The following PROM2 variants were observed in gnomAD, a reference collection of about 807,000 sequenced individuals.
PROM2 encodes the protein prominin 2.
In PROM2, 90 loss-of-function variants were observed where a neutral mutation model predicts 110.2. The ratio of observed to expected loss-of-function variants is 0.82; its 90% confidence interval spans 0.69 to 0.97. The LOEUF (loss-of-function observed/expected upper bound fraction) is 0.97, where lower values mean the gene tolerates loss of function less well. Among genes scored for constraint, PROM2 ranks in the 50% least tolerant of loss-of-function variants. The pLI, the probability that PROM2 is intolerant of heterozygous loss-of-function variation, is 0.00. For missense variants in PROM2, 1,009 were observed against 1,074.8 expected (o/e 0.94, Z 0.86); for synonymous variants, 470 against 467.8 (o/e 1.00, Z -0.06).
At position 95,276,880 on chromosome 2, in the gene PROM2, GA is replaced by G; in HGVS notation, c.683-91del. 5 of 1,387,272 alleles carry G rather than the reference GA, an allele frequency of 3.6e-6. No homozygotes were observed. The highest frequency in any genetic ancestry group is 5.0e-6 in the Non-Finnish European group (5 of 1,002,742). The allele number at this position is 1,387,272 out of a possible 1,614,324, so 85.9% of individuals were successfully genotyped here. On this transcript the variant is annotated intron_variant, in intron 5 of 23. Coordinates refer to ENST00000317620, the MANE Select transcript of PROM2 (RefSeq NM_001165978.3). The surrounding 1 kb of genome is among the most constrained non-coding windows in gnomAD (Gnocchi z 4.6). The stretch of plus-strand genomic sequence containing the variant: ...TCCCCTCCACCCCCCGGCTCCTGCA[GA>G]GCCCGGTGGGGCCTGGGGAGGCAGG...
chr2:95,280,755 A>G (rs1188996966), intron 11 of PROM2, among the ~76,000 whole-genome samples: 1 of 151,940 alleles, frequency 6.6e-6, no homozygotes, highest in Non-Finnish European at 1.5e-5. Context: ...AGCGATTCTC[A>G]CACCTCAGCC....
chr2:95,290,525 G>A lies in PROM2; in HGVS notation c.*1312G>A, dbSNP rs932940528. 1 of 152,218 alleles carries A rather than the reference G, an allele frequency of 6.6e-6. No individual in the cohort carries two copies. The highest frequency in any genetic ancestry group is 1.5e-5 in the Non-Finnish European group (1 of 68,028). 9.4% of individuals were successfully genotyped at this position (152,218 alleles called of 1,614,324 possible). ...GCAGGCAGACCTGGACTCACAGCCT[G>A]GCTGTGATGCTTGTTCGCTCAGCTT... On this transcript the variant is annotated 3_prime_UTR_variant, in exon 24 of 24. Coordinates refer to ENST00000317620, the MANE Select transcript of PROM2 (RefSeq NM_001165978.3).
rs760626164 is a variant in PROM2 at position 95,279,025 on chromosome 2, G to A, written c.1155G>A (p.Arg385=). Residue 385 remains arginine (R), a synonymous_variant, in exon 10 of 24, where the codon AGG becomes AGA. Transcript: ENST00000317620. ...KAVAQQPEGV[R]TLAEGFPGLE... is the part of the protein sequence containing the mutation. ...TGGCCCAGCAGCCGGAAGGGGTGAG[G>A]ACACTGGCTGAAGGGTTCCCGGGCT... The A allele has an allele frequency of 5.6e-6, 9 of 1,612,274 alleles. No individual in the cohort carries two copies. Among genetic ancestry groups the A allele is most frequent in the African/African-American group, 2.7e-5 (2 of 74,924 alleles).
At chr2:95,288,129 A>C (rs1233310243) in intron 20 of PROM2, 82 bp from the exon 21 acceptor site, 4 of 1,415,202 alleles carry the variant, frequency 2.8e-6, no homozygotes, top group Non-Finnish European at 3.9e-6. Context: ...GTCCCTGTCA[A>C]CCACTCTCCC....
rs374303097 is a variant in PROM2, at chr2:95,286,884, G to T, written c.2094+27G>T. 95 of 1,611,214 alleles carry T rather than the reference G, an allele frequency of 5.9e-5. No individual in the cohort carries two copies. The African/African-American group carries it at 1.2e-3, about 20-fold the overall frequency. Reference sequence around the variant, plus strand: ...TGGCTGCTGTTGGTGGGGACGTATGGTGGAGCACAGGGGCTGCAGAGGCGG... The same window carrying T: ...TGGCTGCTGTTGGTGGGGACGTATGTTGGAGCACAGGGGCTGCAGAGGCGG... On this transcript the variant is annotated intron_variant, in intron 18 of 23. Transcript: ENST00000317620.
At position 95,275,865 on chromosome 2, in the gene PROM2, T is replaced by C. The variant is rs751991880; in HGVS notation, c.295-65T>C. On this transcript the variant is annotated intron_variant, in intron 2 of 23. Coordinates refer to ENST00000317620, the MANE Select transcript of PROM2 (RefSeq NM_001165978.3). This position sits in a 1 kb window ranked among gnomAD's most constrained non-coding sequence, Gnocchi z 4.4. ...CGCCCCTTCTGGTTTCCCTCTGGAC[T>C]CAGGCAGAAGCCAGGGCTGGGCAGT... 1 of 1,554,616 alleles carries C rather than the reference T, an allele frequency of 6.4e-7. No individual in the cohort carries two copies. Among genetic ancestry groups the C allele is most frequent in the South Asian group, 1.2e-5 (1 of 84,896 alleles).
At position 95,287,403 on chromosome 2, in the gene PROM2, AGT is replaced by A; in HGVS notation, c.2186_2187del (p.Cys729PhefsTer43). ...CTCCTTTCCTTCCTGCAGGTGAGTG[AGT>A]GTTTCCTGGCCCGGGAGATGGGCTA... On this transcript the variant is annotated frameshift_variant, in exon 20 of 24. Coordinates refer to ENST00000317620, the MANE Select transcript of PROM2 (RefSeq NM_001165978.3). LOFTEE classifies it high-confidence loss of function. 1 of 1,613,924 alleles carries A rather than the reference AGT, an allele frequency of 6.2e-7. No individual in the cohort carries two copies. Among genetic ancestry groups the A allele is most frequent in the Non-Finnish European group, 8.5e-7 (1 of 1,179,974 alleles).
In PROM2 at chr2:95,275,413, G is replaced by T. The variant is rs751311140; in HGVS notation, c.245-48G>T. 2.6e-6 allele frequency: 4 copies of T among 1,562,194 alleles called. No homozygotes were observed. The African/African-American group carries it at 4.1e-5, about 16-fold the overall frequency. ...CAGTGGGGAGAGGAGGGACACAGGG[G>T]CAGGGCAGTGGCTGTCCCCAAATCC... is the stretch of plus-strand genomic sequence containing the variant. On this transcript the variant is annotated intron_variant, in intron 1 of 23. Coordinates refer to ENST00000317620, the MANE Select transcript of PROM2 (RefSeq NM_001165978.3). This position sits in a 1 kb window ranked among gnomAD's most constrained non-coding sequence, Gnocchi z 4.4.
At chr2:95,288,847 AC>A in intron 22 of PROM2, 85 bp from the exon 23 acceptor site, 1 of 1,366,942 alleles carries the variant, frequency 7.3e-7, no homozygotes, top group Non-Finnish European at 1.0e-6. Flanking sequence ...CCGAGGAGAA[AC>A]CCTCAGGGCT....
rs1337091716 is a variant in PROM2, at chr2:95,276,502, T to C, written c.619-92T>C. On this transcript the variant is annotated intron_variant, in intron 4 of 23. Coordinates refer to ENST00000317620, the MANE Select transcript of PROM2 (RefSeq NM_001165978.3). The surrounding 1 kb of genome is among the most constrained non-coding windows in gnomAD (Gnocchi z 4.6). ...GAGAGTCGACCACCCTCAGGGTGGA[T>C]GCCATAGGGGCAGGGAAGGGGCCAG... 15 of 1,600,788 alleles carry C rather than the reference T, an allele frequency of 9.4e-6. No individual in the cohort carries two copies. The Admixed American group carries it at 2.5e-4, about 27-fold the overall frequency.
intron 14 of PROM2, among the ~76,000 whole-genome samples, chr2:95,282,828 C>T (rs1181726776): frequency 1.3e-5 from 2 of 152,188 alleles, no homozygotes; most frequent in Non-Finnish European, 2.9e-5. Flanking sequence ...GGGCTCTCCT[C>T]ATGGTGCACA....
chr2:95,286,698 C>G (rs1284101595), intron 17 of PROM2, 106 bp from the exon 18 acceptor site: 29 of 529,360 alleles, frequency 5.5e-5, no homozygotes, highest in Non-Finnish European at 1.0e-5. Flanking sequence ...CCCCTCCTCT[C>G]CCCTCCTCTC....
At chr2:95,288,716 A>G (rs1249767098) in intron 22 of PROM2, 127 bp downstream of exon 22, 1 of 863,160 alleles carries the variant, frequency 1.2e-6, no homozygotes, top group Non-Finnish European at 1.8e-6. Context: ...CGAGCCCTGA[A>G]GAGCCACACT....
intron 17 of PROM2, 65 bp from the exon 18 acceptor site, chr2:95,286,724 CACTCCCCTCCACTTT>C: frequency 1.1e-6 from 1 of 937,180 alleles, no homozygotes; most frequent in East Asian, 2.6e-5. Flanking sequence ...CCCTCCCCTC[CACTCCCCTCCACTTT>C]CCTCCCCTCT....
At position 95,276,282 on chromosome 2, in the gene PROM2, C is replaced by T; in HGVS notation, c.553C>T (p.Pro185Ser). Residue 185 changes from proline to serine, a missense_variant, in exon 4 of 24, where the codon CCC becomes TCC. Coordinates refer to ENST00000317620, the MANE Select transcript of PROM2 (RefSeq NM_001165978.3). This position sits in a 1 kb window ranked among gnomAD's most constrained non-coding sequence, Gnocchi z 4.6. ...CCAGCGCACGCATGAACAGATGGGCCCCAGCATCGAGGCCATGCCTGAGAC... is the reference window on the plus strand; with the variant it reads ...CCAGCGCACGCATGAACAGATGGGCTCCAGCATCGAGGCCATGCCTGAGAC... Reference protein sequence around the residue: ...TNQRTHEQMGPSIEAMPETLL... With the variant: ...TNQRTHEQMGSSIEAMPETLL... The T allele has an allele frequency of 6.2e-7, 1 of 1,613,918 alleles. No individual in the cohort carries two copies. Among genetic ancestry groups the T allele is most frequent in the Non-Finnish European group, 8.5e-7 (1 of 1,180,028 alleles).
intron 22 of PROM2, 22 bp from the exon 23 acceptor site, chr2:95,288,911 C>T (rs1176393288): frequency 6.2e-7 from 1 of 1,611,810 alleles, no homozygotes; most frequent in East Asian, 2.2e-5. Flanking sequence ...GGTATGCTCA[C>T]TCTCTGTCTT....
intron 16 of PROM2, 79 bp from the exon 17 acceptor site, chr2:95,286,400 T>C: frequency 7.9e-7 from 1 of 1,267,790 alleles, no homozygotes; most frequent in South Asian, 1.2e-5. Context: ...CCACTTTCTC[T>C]TGGTATGTCA....
In PROM2 at chr2:95,279,029, C is replaced by G; in HGVS notation, c.1159C>G (p.Leu387Val). 1 of 1,612,648 alleles carries G rather than the reference C, an allele frequency of 6.2e-7. No homozygotes were observed. ...CCAGCAGCCGGAAGGGGTGAGGACACTGGCTGAAGGGTTCCCGGGCTTGGA... is the reference window on the plus strand; with the variant it reads ...CCAGCAGCCGGAAGGGGTGAGGACAGTGGCTGAAGGGTTCCCGGGCTTGGA... ...VAQQPEGVRT[L>V]AEGFPGLEAA... The change falls in exon 10 of 24, where the codon CTG becomes GTG. Residue 387 changes from leucine to valine, a missense_variant. Coordinates refer to ENST00000317620, the MANE Select transcript of PROM2 (RefSeq NM_001165978.3).
intron 14 of PROM2, among the ~76,000 whole-genome samples, chr2:95,283,390 T>C (rs1446450533): frequency 6.6e-6 from 1 of 152,212 alleles, no homozygotes; most frequent in Non-Finnish European, 1.5e-5. Flanking sequence ...CAAATGTGGC[T>C]GTAAGAATCC....
Sources: gnomAD v4.1 joint callset for allele counts (sites outside exome capture counted in the v4.1 genomes callset) on GRCh38, gnomAD v4.1.1 for gene constraint, Gnocchi (gnomAD v3.1) non-coding constraint, MANE v1.5 for transcripts, NCBI Gene and HGNC (gene_info 2026-07-23, HGNC 2026-07-21) for gene names.